Variants in AMDHD2 observed in about 807,000 individuals in gnomAD.
The protein encoded by AMDHD2 is N-acetylglucosamine-6-phosphate deacetylase.
In AMDHD2, 24 loss-of-function variants were observed where a neutral mutation model predicts 41.8. The ratio of observed to expected loss-of-function variants is 0.57; its 90% confidence interval spans 0.42 to 0.81. The LOEUF is 0.81. Ranked by LOEUF, AMDHD2 falls within the 30% of genes least tolerant of loss-of-function variation. The pLI, the probability that AMDHD2 is intolerant of heterozygous loss-of-function variation, is 0.00. For missense variants in AMDHD2, 540 were observed against 588.5 expected (o/e 0.92, Z 0.85); for synonymous variants, 332 against 255.5 (o/e 1.30, Z -2.85).
chr16:2,528,807 G>C (rs983126481), intron 9 of AMDHD2, 89 bp downstream of exon 9: 2 of 1,580,898 alleles, frequency 1.3e-6, no homozygotes, highest in South Asian at 2.3e-5. Context: ...TGTAGCCCAA[G>C]CTCTGCCCAC....
chr16:2,521,506 C>G (rs1041170032), intron 3 of AMDHD2, among the ~76,000 whole-genome samples: 1 of 152,214 alleles, frequency 6.6e-6, no homozygotes, highest in South Asian at 2.1e-4. Context: ...TCCTCCCTAA[C>G]CTGTCTGATG....
chr16:2,522,418 C>T (rs1016165652), intron 3 of AMDHD2, among the ~76,000 whole-genome samples: 7 of 152,094 alleles, frequency 4.6e-5, no homozygotes, highest in African/African-American at 1.2e-4. Flanking sequence ...CGCGGTGGCT[C>T]ACGCCTGTAA....
rs1597003016 is a variant in AMDHD2 at position 2,531,183 on chromosome 16, C to T, written c.*1620C>T. 20 of 1,381,822 alleles carry T rather than the reference C, an allele frequency of 1.4e-5. No individual in the cohort carries two copies. In the East Asian group the frequency reaches 4.3e-4, roughly 30 times the overall value. 85.6% of individuals were successfully genotyped at this position (1,381,822 alleles called of 1,614,324 possible). ...GCCTTTGGGCCTGGCCTGCCCCATT[C>T]ACCGGCCAGCGCCCCACCTCCCTGG... On this transcript the variant is annotated 3_prime_UTR_variant, in exon 11 of 11. Coordinates refer to ENST00000293971, the MANE Select transcript of AMDHD2 (RefSeq NM_001330449.2).
At position 2,527,588 on chromosome 16, in the gene AMDHD2, G is replaced by A; in HGVS notation, c.388G>A (p.Gly130Ser). ...KVVPQIPVKS[G>S]GPHGAGVLGL... ...TGTTCCTCAGATCCCTGTGAAGAGT[G>A]GTGGTCCCCATGGGGCAGGGGTCCT... The change falls in exon 4 of 11, where the codon GGT becomes AGT. Residue 130 changes from glycine to serine, a missense_variant. Gly to Ser is a moderately conservative substitution (Grantham distance 56). Transcript: ENST00000293971. The surrounding 1 kb of genome is among the most constrained non-coding windows in gnomAD (Gnocchi z 6.1). 6.2e-7 allele frequency: 1 copy of A among 1,613,256 alleles called. No homozygotes were observed. The highest frequency in any genetic ancestry group is 8.5e-7 in the Non-Finnish European group (1 of 1,179,722).
At position 2,520,945 on chromosome 16, in the gene AMDHD2, T is replaced by A; in HGVS notation, c.221-39T>A. 1.9e-6 allele frequency: 3 copies of A among 1,597,564 alleles called. No homozygotes were observed. The South Asian group carries it at 3.3e-5, about 18-fold the overall frequency. On this transcript the variant is annotated intron_variant, in intron 2 of 10. Coordinates refer to ENST00000293971, the MANE Select transcript of AMDHD2 (RefSeq NM_001330449.2). ...CGGCAGGGGAACCCAGGGGAGGAGC[T>A]CTGAGCTCCATGCGACACTTCCTTT...
At position 2,527,669 on chromosome 16, in the gene AMDHD2, G is replaced by A. The variant is rs2141909082; in HGVS notation, c.415+54G>A. 1 of 1,581,172 alleles carries A rather than the reference G, an allele frequency of 6.3e-7. No individual in the cohort carries two copies. The highest frequency in any genetic ancestry group is 8.6e-7 in the Non-Finnish European group (1 of 1,163,462). Reference sequence around the variant, plus strand: ...ACCCTGGGAGGCTCCTGCGGGACCTGTTGGCAGCCCCCACCCCTCCAGATG... The same window carrying A: ...ACCCTGGGAGGCTCCTGCGGGACCTATTGGCAGCCCCCACCCCTCCAGATG... On this transcript the variant is annotated intron_variant, in intron 4 of 10. Coordinates refer to ENST00000293971, the MANE Select transcript of AMDHD2 (RefSeq NM_001330449.2). The surrounding 1 kb of genome is among the most constrained non-coding windows in gnomAD (Gnocchi z 6.1).
chr16:2,523,540 G>A (rs934749190), intron 3 of AMDHD2, among the ~76,000 whole-genome samples: 1 of 152,102 alleles, frequency 6.6e-6, no homozygotes, highest in East Asian at 1.9e-4. Flanking sequence ...GCTTAGGGGC[G>A]TTGGGTGCTC....
rs2066018865 is a variant in AMDHD2, at chr16:2,527,531, G to A, written c.361-30G>A. The A allele has an allele frequency of 1.2e-6, 2 of 1,604,750 alleles. No individual in the cohort carries two copies. ...TGGCCTCTGGGAATGGGCTGTGGGG[G>A]ACAGGGCTTTAACAGCTGGTTCCCC... On this transcript the variant is annotated intron_variant, in intron 3 of 10. Transcript: ENST00000293971. The surrounding 1 kb of genome is among the most constrained non-coding windows in gnomAD (Gnocchi z 6.1).
At chr16:2,521,317 C>T (rs904790344) in intron 3 of AMDHD2, among the ~76,000 whole-genome samples, 194 bp downstream of exon 3, 3 of 151,956 alleles carry the variant, frequency 2.0e-5, no homozygotes, top group African/African-American at 4.8e-5. Flanking sequence ...CCTGGCCTCC[C>T]TAGACCCTCT....
At chr16:2,522,179 G>A (rs2065949655) in intron 3 of AMDHD2, among the ~76,000 whole-genome samples, 1 of 152,128 alleles carries the variant, frequency 6.6e-6, no homozygotes, top group Admixed American at 6.5e-5. Flanking sequence ...ATTCTTCTCT[G>A]CTCAAGCGAT....
In AMDHD2 at chr16:2,522,063, C is replaced by T. The variant is rs1490762984; in HGVS notation, c.360+940C>T. Among the ~76,000 whole-genome samples the T allele has an allele frequency of 3.3e-5, 5 of 151,978 alleles. 1 individual carries two copies. Among genetic ancestry groups the T allele is most frequent in the Admixed American group, 1.3e-4 (2 of 15,272 alleles). On this transcript the variant is annotated intron_variant, in intron 3 of 10. Coordinates refer to ENST00000293971, the MANE Select transcript of AMDHD2 (RefSeq NM_001330449.2). ...CCTCCCAAAGTGCTGGGATTACAGG[C>T]GTGAGCCACCGCGCCCGGCCAGTTT...
At chr16:2,525,854 T>G (rs1258289855) in intron 3 of AMDHD2, among the ~76,000 whole-genome samples, 1 of 152,192 alleles carries the variant, frequency 6.6e-6, no homozygotes, top group East Asian at 1.9e-4. Flanking sequence ...AATTTTTGTA[T>G]TTTTAGTAGA....
intron 3 of AMDHD2, among the ~76,000 whole-genome samples, chr16:2,522,130 T>C (rs1218803189): frequency 6.6e-6 from 1 of 151,968 alleles, no homozygotes; most frequent in Non-Finnish European, 1.5e-5. Flanking sequence ...GTGGCCCAGG[T>C]TGGAGTAGAG....
At chr16:2,529,400 G>A (rs2066054646) in intron 10 of AMDHD2, 75 bp from the exon 11 acceptor site, 2 of 1,591,732 alleles carry the variant, frequency 1.3e-6, no homozygotes, top group East Asian at 2.2e-5. Context: ...CCAGCGTCGG[G>A]TTGTTGGGGA....
In AMDHD2 at chr16:2,527,480, T is replaced by G; in HGVS notation, c.361-81T>G. The G allele has an allele frequency of 3.3e-6, 5 of 1,495,962 alleles. No individual in the cohort carries two copies. Among genetic ancestry groups the G allele is most frequent in the Non-Finnish European group, 4.6e-6 (5 of 1,091,632 alleles). The allele number at this position is 1,495,962 out of a possible 1,614,324, so 92.7% of individuals were successfully genotyped here. A position where few individuals can be genotyped will look rare whatever the true frequency, so the allele number is the denominator to read the frequency against. On this transcript the variant is annotated intron_variant, in intron 3 of 10. Transcript: ENST00000293971. This position sits in a 1 kb window ranked among gnomAD's most constrained non-coding sequence, Gnocchi z 6.1. ...GGGTGCTGGGCTCTGAACTCTGACC[T>G]GAGATCTCTGGCCTTGGCTAGGCTG...
rs201463378 is a variant in AMDHD2 at position 2,531,018 on chromosome 16, G to A, written c.*1455G>A. 1 of 1,607,024 alleles carries A rather than the reference G, an allele frequency of 6.2e-7. No homozygotes were observed. The highest frequency in any genetic ancestry group is 1.7e-5 in the Admixed American group (1 of 59,896). On this transcript the variant is annotated 3_prime_UTR_variant, in exon 11 of 11. Transcript: ENST00000293971. ...GGTGAGGTTCTCAGCCGATGTGTTA[G>A]AGGTTGAGCATCGCCTGTGCCCAGC...
chr16:2,521,510 T>C (rs1265745586), intron 3 of AMDHD2, among the ~76,000 whole-genome samples: 1 of 152,146 alleles, frequency 6.6e-6, no homozygotes, highest in Non-Finnish European at 1.5e-5. Flanking sequence ...CCCTAACCTG[T>C]CTGATGTGTG....
Position 2,527,451 on chromosome 16 carries a change from G to T in AMDHD2, c.361-110G>T, listed in dbSNP as rs979751674. On this transcript the variant is annotated intron_variant, in intron 3 of 10. Transcript: ENST00000293971. The surrounding 1 kb of genome is among the most constrained non-coding windows in gnomAD (Gnocchi z 6.1). ...GTGAGGGGACAGGCGGCCGGGGCTGGGCTGGGTGCTGGGCTCTGAACTCTG... is the reference window on the plus strand; with the variant it reads ...GTGAGGGGACAGGCGGCCGGGGCTGTGCTGGGTGCTGGGCTCTGAACTCTG... 8.1e-7 allele frequency: 1 copy of T among 1,232,076 alleles called. No individual in the cohort carries two copies. The highest frequency in any genetic ancestry group is 1.5e-5 in the African/African-American group (1 of 66,532). The allele number at this position is 1,232,076 out of a possible 1,614,324, so 76.3% of individuals were successfully genotyped here.
At position 2,527,120 on chromosome 16, in the gene AMDHD2, C is replaced by T. The variant is rs916826119; in HGVS notation, c.361-441C>T. The T allele has an allele frequency of 2.4e-5, 5 of 210,834 alleles. No homozygotes were observed. Among genetic ancestry groups the T allele is most frequent in the South Asian group, 1.4e-4 (2 of 14,446 alleles). The allele number at this position is 210,834 out of a possible 1,614,324, so 13.1% of individuals were successfully genotyped here. Reference sequence around the variant, plus strand: ...GCCTCTGAGATGTGTGGTGTGAGCCCGTGTCCCCCCGTTCCCTGACACACT... The same window carrying T: ...GCCTCTGAGATGTGTGGTGTGAGCCTGTGTCCCCCCGTTCCCTGACACACT... On this transcript the variant is annotated intron_variant, in intron 3 of 10. Coordinates refer to ENST00000293971, the MANE Select transcript of AMDHD2 (RefSeq NM_001330449.2). The surrounding 1 kb of genome is among the most constrained non-coding windows in gnomAD (Gnocchi z 6.1).
Sources: gnomAD v4.1 joint callset for allele counts (sites outside exome capture counted in the v4.1 genomes callset) on GRCh38, gnomAD v4.1.1 for gene constraint, Gnocchi (gnomAD v3.1) non-coding constraint, MANE v1.5 for transcripts, NCBI Gene and HGNC (gene_info 2026-07-23, HGNC 2026-07-21) for gene names.